HS3ST6: variants seen among roughly 807,000 people sequenced by gnomAD.
HS3ST6 encodes the protein heparan sulfate-glucosamine 3-sulfotransferase 6.
Under a neutral mutation model 11.0 loss-of-function variants are expected in HS3ST6, and 13 were observed. The ratio of observed to expected loss-of-function variants is 1.18; its 90% CI spans 0.77 to 1.88. The LOEUF (loss-of-function observed/expected upper bound fraction) is 1.88, where lower values mean the gene tolerates loss of function less well. Ranked by LOEUF, HS3ST6 falls within the 40% of genes most tolerant of loss-of-function variation. HS3ST6 has a pLI of 0.00. For synonymous variants in HS3ST6, 232 were observed against 230.6 expected (o/e 1.01, Z -0.06); for missense variants, 541 against 494.4 (o/e 1.09, Z -0.89).
At chr16:1,919,683 C>G (rs576480807), upstream of HS3ST6, among the ~76,000 whole-genome samples, 2 of 152,216 alleles carry the variant, frequency 1.3e-5, no homozygotes, top group East Asian at 3.9e-4. Flanking sequence ...CTCAAGGGGC[C>G]GAAGGCCTCC....
intron 1 of HS3ST6, among the ~76,000 whole-genome samples, chr16:1,913,722 C>T (rs1373581442): frequency 6.6e-6 from 1 of 152,278 alleles, no homozygotes; most frequent in South Asian, 2.1e-4. Flanking sequence ...CAGGAGTGAC[C>T]GCCCCAGACT....
At position 1,917,917 on chromosome 16, in the gene HS3ST6, C is replaced by G; in HGVS notation, c.407G>C (p.Trp136Ser). ...GACGGGCCAGGGTGCTCACCGGTAC[C>G]AGGCGAGGCCGCGCTCGTAGCACCT... ...FDRCYERGLA[W>S]YRSLMPRTLD... Residue 136 changes from tryptophan (W) to serine (S), a missense_variant, in exon 1 of 2, where the codon TGG becomes TCG. By Grantham distance (177) the Trp-to-Ser change is radical (BLOSUM62 -3). Coordinates refer to ENST00000454677, the MANE Select transcript of HS3ST6 (RefSeq NM_001009606.4). 1 of 1,473,584 alleles carries G rather than the reference C, an allele frequency of 6.8e-7. No individual in the cohort carries two copies. Among genetic ancestry groups the G allele is most frequent in the African/African-American group, 1.4e-5 (1 of 69,224 alleles). The allele number at this position is 1,473,584 out of a possible 1,614,324, so 91.3% of individuals were successfully genotyped here.
chr16:1,915,876 G>C (rs974721877), intron 1 of HS3ST6, among the ~76,000 whole-genome samples: 3 of 151,428 alleles, frequency 2.0e-5, no homozygotes, highest in Non-Finnish European at 2.9e-5. Flanking sequence ...CCACAGGAAG[G>C]CCGGGTCACC....
At chr16:1,915,790 G>A (rs2082921507) in intron 1 of HS3ST6, among the ~76,000 whole-genome samples, 1 of 152,234 alleles carries the variant, frequency 6.6e-6, no homozygotes, top group Non-Finnish European at 1.5e-5. Context: ...TCAAGAGCCT[G>A]GATGAGCTGA....
At chr16:1,914,403 C>T (rs968151494) in intron 1 of HS3ST6, among the ~76,000 whole-genome samples, 1 of 152,146 alleles carries the variant, frequency 6.6e-6, no homozygotes, top group African/African-American at 2.4e-5. Context: ...CTGACGATGC[C>T]CATAGAGAGA....
At chr16:1,920,489 A>C (rs2082958419), upstream of HS3ST6, among the ~76,000 whole-genome samples, 1 of 149,234 alleles carries the variant, frequency 6.7e-6, no homozygotes, top group African/African-American at 2.5e-5. Context: ...GTCCCTACTC[A>C]GGACTTGAAA....
chr16:1,912,934 G>A lies in HS3ST6; in HGVS notation c.414-729C>T, dbSNP rs547593775. ...AGCCCCCGGAGTAGCTGGGATTACAGGTGCCCGCCACCACACCCAGCTAAT... is the reference window on the plus strand; with the variant it reads ...AGCCCCCGGAGTAGCTGGGATTACAAGTGCCCGCCACCACACCCAGCTAAT... On this transcript the variant is annotated intron_variant, in intron 1 of 1. Coordinates refer to ENST00000454677, the MANE Select transcript of HS3ST6 (RefSeq NM_001009606.4). This position sits in a 1 kb window ranked among gnomAD's most constrained non-coding sequence, Gnocchi z 5.6. Among the ~76,000 whole-genome samples, 37 of 152,282 alleles carry A rather than the reference G, an allele frequency of 2.4e-4. No homozygotes were observed. The South Asian group carries it at 7.2e-3, about 30-fold the overall frequency.
rs933018294 is a variant in HS3ST6, at chr16:1,912,219, G to A, written c.414-14C>T. Reference sequence around the variant, plus strand: ...GGCATCAGACTCCTGCGGGACGGGTGCAAGGAGAGGGGGCCTGAGCCTCCC... The same window carrying A: ...GGCATCAGACTCCTGCGGGACGGGTACAAGGAGAGGGGGCCTGAGCCTCCC... On this transcript the variant is annotated splice_polypyrimidine_tract_variant and intron_variant, in intron 1 of 1. Coordinates refer to ENST00000454677, the MANE Select transcript of HS3ST6 (RefSeq NM_001009606.4). This position sits in a 1 kb window ranked among gnomAD's most constrained non-coding sequence, Gnocchi z 5.6. 1.4e-6 allele frequency: 2 copies of A among 1,392,450 alleles called. No homozygotes were observed. Among genetic ancestry groups the A allele is most frequent in the Admixed American group, 5.9e-5 (2 of 33,934 alleles). The allele number at this position is 1,392,450 out of a possible 1,614,324, so 86.3% of individuals were successfully genotyped here.
At position 1,911,746 on chromosome 16, in the gene HS3ST6, C is replaced by T. The variant is rs375849904; in HGVS notation, c.873G>A (p.Lys291=). The change falls in exon 2 of 2, where the codon AAG becomes AAA. Residue 291 remains lysine, a synonymous_variant. Transcript: ENST00000454677. ...NATKGFPCLK[K]AQGGSRPRCL... is the part of the protein sequence containing the mutation. ...AGCGGGGACGGCTGCCGCCCTGGGCCTTCTTGAGGCAGGGGAAGCCCTTGG... is the reference window on the plus strand; with the variant it reads ...AGCGGGGACGGCTGCCGCCCTGGGCTTTCTTGAGGCAGGGGAAGCCCTTGG... 178 of 1,613,660 alleles carry T rather than the reference C, an allele frequency of 1.1e-4. No homozygotes were observed. The Middle Eastern group carries it at 1.3e-3, about 12-fold the overall frequency.
At chr16:1,917,450 G>A (rs1010797212) in intron 1 of HS3ST6, among the ~76,000 whole-genome samples, 2 of 152,128 alleles carry the variant, frequency 1.3e-5, no homozygotes, top group African/African-American at 2.4e-5. Flanking sequence ...GCGCAGACTC[G>A]GGGGTCTTGG....
intron 1 of HS3ST6, among the ~76,000 whole-genome samples, chr16:1,915,545 G>A (rs1185423652): frequency 2.6e-5 from 4 of 152,182 alleles, no homozygotes; most frequent in African/African-American, 9.7e-5. Flanking sequence ...CAAAGGGCTG[G>A]GATTACAGGC....
At chr16:1,919,425 G>C (rs1389095919), upstream of HS3ST6, among the ~76,000 whole-genome samples, 1 of 152,044 alleles carries the variant, frequency 6.6e-6, no homozygotes, top group Non-Finnish European at 1.5e-5. Flanking sequence ...GAGGCGAGCC[G>C]GGCTCAGAGA....
intron 1 of HS3ST6, among the ~76,000 whole-genome samples, chr16:1,915,672 G>A (rs1048689929): frequency 2.0e-5 from 3 of 152,236 alleles, no homozygotes; most frequent in Non-Finnish European, 4.4e-5. Context: ...GGGAGTCTGC[G>A]TGACCCCCAC....
At position 1,917,973 on chromosome 16, in the gene HS3ST6, G is replaced by A. The variant is rs756940279; in HGVS notation, c.351C>T (p.Arg117=). The change falls in exon 1 of 2, where the codon CGC becomes CGT. Residue 117 remains arginine, a synonymous_variant. Transcript: ENST00000454677. ...LEFLRLHPDV[R]ALGSEPHFFD... is the part of the protein sequence containing the mutation. Reference sequence around the variant, plus strand: ...AGAAGTGGGGCTCAGAGCCCAGCGCGCGGACGTCGGGGTGCAGCCGCAGAA... The same window carrying A: ...AGAAGTGGGGCTCAGAGCCCAGCGCACGGACGTCGGGGTGCAGCCGCAGAA... 1.9e-6 allele frequency: 3 copies of A among 1,550,212 alleles called. No individual in the cohort carries two copies. Among genetic ancestry groups the A allele is most frequent in the South Asian group, 1.2e-5 (1 of 83,770 alleles).
Position 1,917,987 on chromosome 16 carries a change from G to T in HS3ST6, c.337C>A (p.His113Asn). The T allele has an allele frequency of 6.4e-7, 1 of 1,554,028 alleles. No homozygotes were observed. The change falls in exon 1 of 2, where the codon CAC (histidine) becomes AAC (asparagine). Residue 113 changes from histidine to asparagine, a missense_variant. Coordinates refer to ENST00000454677, the MANE Select transcript of HS3ST6 (RefSeq NM_001009606.4). The part of the protein sequence containing the change: ...TRALLEFLRL[H>N]PDVRALGSEP... ...GAGCCCAGCGCGCGGACGTCGGGGT[G>T]CAGCCGCAGAAACTCCAGCAGGGCG...
Position 1,911,721 on chromosome 16 carries a change from A to C in HS3ST6, c.898T>G (p.Cys300Gly), listed in dbSNP as rs2082888467. Residue 300 changes from cysteine to glycine, a missense_variant, in exon 2 of 2, where the codon TGC becomes GGC. Physicochemically the swap from Cys to Gly is radical, Grantham distance 159 (BLOSUM62 -3). Transcript: ENST00000454677. ...KKAQGGSRPR[C>G]LGKSKGRPHP... ...GGCCGGCCCTTGGACTTGCCCAGGC[A>C]GCGGGGACGGCTGCCGCCCTGGGCC... 6.2e-7 allele frequency: 1 copy of C among 1,612,764 alleles called. No homozygotes were observed. Among genetic ancestry groups the C allele is most frequent in the Non-Finnish European group, 8.5e-7 (1 of 1,179,328 alleles).
upstream of HS3ST6, among the ~76,000 whole-genome samples, chr16:1,920,912 G>A (rs373461825): frequency 2.9e-4 from 44 of 152,226 alleles, no homozygotes; most frequent in African/African-American, 1.0e-3. Context: ...GTATACGTGG[G>A]AGGAGAGGTC....
At chr16:1,914,609 C>T (rs2082913816) in intron 1 of HS3ST6, among the ~76,000 whole-genome samples, 1 of 152,198 alleles carries the variant, frequency 6.6e-6, no homozygotes, top group Non-Finnish European at 1.5e-5. Context: ...ATATCCTCCT[C>T]TTCCTGCCTG....
In HS3ST6 at chr16:1,911,640, AG is replaced by A; in HGVS notation, c.978del (p.Phe327SerfsTer8). 6.2e-7 allele frequency: 1 copy of A among 1,609,274 alleles called. No individual in the cohort carries two copies. The highest frequency in any genetic ancestry group is 1.1e-5 in the South Asian group (1 of 90,600). On this transcript the variant is annotated frameshift_variant, in exon 2 of 2. Transcript: ENST00000454677. LOFTEE classifies it high-confidence loss of function. ...GTCATCTGGTAGAACCTGCGGTTGA[AG>A]GGCCGGTAGAACTCCTGCAGGCGCC... The part of the protein sequence containing the change: ...LVRRLQEFYR[P>X]FNRRFYQMTG...
Sources: allele counts gnomAD v4.1 joint callset (sites outside exome capture counted in the v4.1 genomes callset), GRCh38; gene constraint gnomAD v4.1.1; non-coding constraint Gnocchi (gnomAD v3.1); transcripts MANE v1.5; gene names NCBI Gene and HGNC (gene_info 2026-07-23, HGNC 2026-07-21).